PAPPA2: variants seen among roughly 807,000 people sequenced by gnomAD.
The protein encoded by PAPPA2 is pappalysin-2.
In PAPPA2, 86 loss-of-function variants were observed where a neutral mutation model predicts 176.4. That is an observed-to-expected ratio of 0.49 (90% confidence interval 0.41 to 0.58). PAPPA2 has a LOEUF of 0.58. PAPPA2 is among the 20% of genes least tolerant of loss of function. The pLI is 0.00. For missense variants in PAPPA2, 2,073 were observed against 2,256.9 expected, an observed-to-expected ratio of 0.92 and a Z score of 1.65; for synonymous variants, 809 against 852.2, an observed-to-expected ratio of 0.95 and a Z score of 0.88.
rs765577890 is a variant in PAPPA2 at position 176,739,710 on chromosome 1, C to G, written c.3883C>G (p.Pro1295Ala). ...CCTAGTTCCCGGAGAGCATCAGCAG[C>G]CGACAGTGACTCTCTACCTGACCGA... is the stretch of plus-strand genomic sequence containing the variant. ...DGLVPGEHQQ[P>A]TVTLYLTDVR... Residue 1295 changes from proline to alanine, a missense_variant, in exon 13 of 23, where the codon CCG (proline) becomes GCG (alanine). By Grantham distance (27) the Pro-to-Ala change is conservative. Transcript: ENST00000367662. 1 of 1,613,646 alleles carries G rather than the reference C, an allele frequency of 6.2e-7. No individual in the cohort carries two copies. The highest frequency in any genetic ancestry group is 1.1e-5 in the South Asian group (1 of 91,052).
At chr1:176,756,487 C>A (rs1276630746) in intron 14 of PAPPA2, among the ~76,000 whole-genome samples, 2 of 152,156 alleles carry the variant, frequency 1.3e-5, no homozygotes, top group Non-Finnish European at 2.9e-5. Flanking sequence ...ATAAATGATT[C>A]TGCTTCCCAG....
intron 3 of PAPPA2, among the ~76,000 whole-genome samples, chr1:176,641,899 G>A (rs185396571): frequency 5.3e-5 from 8 of 152,034 alleles, no homozygotes; most frequent in Non-Finnish European, 8.8e-5. Context: ...AGTCAAGGAG[G>A]TCTAGGTTAG....
At chr1:176,709,831 T>TCTGTGG in intron 10 of PAPPA2, 152 bp from the exon 11 acceptor site, 1 of 620,062 alleles carries the variant, frequency 1.6e-6, no homozygotes, top group South Asian at 2.2e-5. Context: ...TGTATGTGTA[T>TCTGTGG]CTGTGTGTTT....
intron 14 of PAPPA2, among the ~76,000 whole-genome samples, chr1:176,746,859 G>A (rs944742438): frequency 1.3e-5 from 2 of 152,104 alleles, no homozygotes; most frequent in African/African-American, 4.8e-5. Flanking sequence ...TTCTTCTCTC[G>A]CTTGTTCTCA....
intron 21 of PAPPA2, among the ~76,000 whole-genome samples, chr1:176,815,462 G>T (rs1666335988): frequency 6.6e-6 from 1 of 151,494 alleles, no homozygotes; most frequent in Non-Finnish European, 1.5e-5. Context: ...CTTCATTTTT[G>T]TTGTTGTTTT....
chr1:176,773,900 G>A (rs910459257), intron 17 of PAPPA2, among the ~76,000 whole-genome samples: 2 of 151,992 alleles, frequency 1.3e-5, no homozygotes, highest in African/African-American at 4.8e-5. Flanking sequence ...TTCCAGCTTT[G>A]TCTCATTCTA....
chr1:176,779,036 C>G (rs763496338), intron 17 of PAPPA2, among the ~76,000 whole-genome samples: 2 of 152,156 alleles, frequency 1.3e-5, no homozygotes, highest in African/African-American at 4.8e-5. Flanking sequence ...CATCCATGCT[C>G]TCACTTCAAA....
At chr1:176,545,804 C>G (rs1650604625) in intron 1 of PAPPA2, among the ~76,000 whole-genome samples, 1 of 152,152 alleles carries the variant, frequency 6.6e-6, no homozygotes. Flanking sequence ...TAGAGTTTCT[C>G]TTACTCTTTT....
chr1:176,542,738 C>G (rs1423892736), intron 1 of PAPPA2, among the ~76,000 whole-genome samples: 1 of 152,142 alleles, frequency 6.6e-6, no homozygotes, highest in Non-Finnish European at 1.5e-5. Context: ...TGGCTGAGAT[C>G]TGTGGAAAGG....
At chr1:176,818,798 A>G (rs1487062516) in intron 21 of PAPPA2, among the ~76,000 whole-genome samples, 1 of 152,192 alleles carries the variant, frequency 6.6e-6, no homozygotes, top group East Asian at 1.9e-4. Context: ...TTCATCCAGA[A>G]TAAAAGCCAC....
chr1:176,542,041 G>C (rs1317096262), intron 1 of PAPPA2, among the ~76,000 whole-genome samples: 1 of 152,200 alleles, frequency 6.6e-6, no homozygotes, highest in East Asian at 1.9e-4. Context: ...CAGGAAGTAG[G>C]TTCAAGCATT....
At chr1:176,768,916 C>T (rs1296866307) in intron 15 of PAPPA2, among the ~76,000 whole-genome samples, 1 of 152,128 alleles carries the variant, frequency 6.6e-6, no homozygotes, top group African/African-American at 2.4e-5. Flanking sequence ...AATAAGAGTG[C>T]CAGCAGGAGA....
Position 176,739,621 on chromosome 1 carries a change from C to T in PAPPA2, c.3799-5C>T. 1 of 1,611,580 alleles carries T rather than the reference C, an allele frequency of 6.2e-7. No individual in the cohort carries two copies. The highest frequency in any genetic ancestry group is 8.5e-7 in the Non-Finnish European group (1 of 1,178,502). On this transcript the variant is annotated splice_region_variant and splice_polypyrimidine_tract_variant and intron_variant, in intron 12 of 22. Transcript: ENST00000367662. Reference sequence around the variant, plus strand: ...TGACTTATACATAAATGTGCTTATGCTTAGGTGTGTTTCAATAGACCAGGA... The same window carrying T: ...TGACTTATACATAAATGTGCTTATGTTTAGGTGTGTTTCAATAGACCAGGA...
intron 1 of PAPPA2, among the ~76,000 whole-genome samples, chr1:176,529,304 G>A (rs1294224631): frequency 3.9e-5 from 6 of 151,954 alleles, no homozygotes; most frequent in Admixed American, 2.0e-4. Flanking sequence ...GTCTCAGAAC[G>A]AGCCAGAAAC....
At chr1:176,515,629 C>T (rs1572989803) in intron 1 of PAPPA2, among the ~76,000 whole-genome samples, 2 of 152,222 alleles carry the variant, frequency 1.3e-5, no homozygotes, top group East Asian at 3.9e-4. Context: ...TTATCTTGTC[C>T]CTGTGACCCC....
At chr1:176,581,532 A>C (rs1022126300) in intron 2 of PAPPA2, among the ~76,000 whole-genome samples, 1 of 152,098 alleles carries the variant, frequency 6.6e-6, no homozygotes, top group African/African-American at 2.4e-5. Context: ...GGTTGCATTG[A>C]TATGTAGATT....
intron 1 of PAPPA2, among the ~76,000 whole-genome samples, chr1:176,550,045 T>C (rs898841749): frequency 6.6e-6 from 1 of 152,246 alleles, no homozygotes; most frequent in Non-Finnish European, 1.5e-5. Flanking sequence ...TGATCCATTC[T>C]CTGTTCTCAA....
At chr1:176,679,533 A>G (rs1659476469) in intron 4 of PAPPA2, among the ~76,000 whole-genome samples, 1 of 152,216 alleles carries the variant, frequency 6.6e-6, no homozygotes, top group African/African-American at 2.4e-5. Flanking sequence ...TGTTTATTAA[A>G]GCAATTCAAT....
intron 1 of PAPPA2, among the ~76,000 whole-genome samples, chr1:176,554,960 C>G (rs1651178827): frequency 6.7e-6 from 1 of 149,336 alleles, no homozygotes; most frequent in Non-Finnish European, 1.5e-5. Context: ...GTAGGTAGAT[C>G]TGTTCACAGT....
Sources: gnomAD v4.1 joint callset for allele counts (sites outside exome capture counted in the v4.1 genomes callset) on GRCh38, gnomAD v4.1.1 for gene constraint, MANE v1.5 for transcripts, NCBI Gene and HGNC (gene_info 2026-07-23, HGNC 2026-07-21) for gene names.